Variants in CROCC observed in about 807,000 individuals in gnomAD.
CROCC encodes the protein ciliary rootlet coiled-coil, rootletin, also known as rootletin.
A neutral mutation model predicts 245.2 loss-of-function variants in CROCC; 180 were observed. The observed-to-expected ratio is 0.73, with a 90% CI of 0.65 to 0.83. The LOEUF is 0.83. CROCC is among the 40% of genes least tolerant of loss of function. The pLI is 0.00. For missense variants in CROCC, 2,688 were observed against 2,779.4 expected (o/e 0.97, Z 0.74); for synonymous variants, 1,205 against 1,241.6 (o/e 0.97, Z 0.62).
At chr1:16,938,862 G>C (rs776832553) in intron 11 of CROCC, 47 bp from the exon 12 acceptor site, 16 of 1,568,194 alleles carry the variant, frequency 1.0e-5, no homozygotes, top group East Asian at 2.3e-5. Context: ...CTAACCCCGC[G>C]GTTCCTAACT....
Position 16,955,503 on chromosome 1 carries a change from T to C in CROCC, c.3657T>C (p.Asn1219=). 8.2e-6 allele frequency: 13 copies of C among 1,576,614 alleles called. No individual in the cohort carries two copies. The highest frequency in any genetic ancestry group is 1.1e-5 in the Non-Finnish European group (13 of 1,165,334). Residue 1219 remains asparagine, a synonymous_variant, in exon 24 of 37, where the codon AAT becomes AAC. Transcript: ENST00000375541. ...AKEREALRRS[N]EELRSAVKKA... is the part of the protein sequence containing the mutation. The stretch of plus-strand genomic sequence containing the variant: ...AGCGCGAGGCCCTGCGGCGTTCCAA[T>C]GAGGAGCTTCGGTCTGCTGTGAAGA...
At chr1:16,963,171 G>A (rs1244337196) in intron 27 of CROCC, among the ~76,000 whole-genome samples, 6 of 143,854 alleles carry the variant, frequency 4.2e-5, no homozygotes, top group Non-Finnish European at 6.0e-5. Context: ...CAACAAGAGC[G>A]AAACTCCGTC....
At position 16,970,325 on chromosome 1, in the gene CROCC, C is replaced by T. The variant is rs1195328065; in HGVS notation, c.5524C>T (p.Leu1842=). 4 of 1,586,264 alleles carry T rather than the reference C, an allele frequency of 2.5e-6. No individual in the cohort carries two copies. Among genetic ancestry groups the T allele is most frequent in the Non-Finnish European group, 3.4e-6 (4 of 1,167,604 alleles). The part of the protein sequence containing the change: ...TVQKLQDERR[L]LQERLGSLQR... ...CCAGAAGCTGCAAGACGAGCGGCGG[C>T]TGCTGCAGGAGCGCCTGGGAAGCCT... Residue 1842 remains leucine, a synonymous_variant, in exon 34 of 37, where the codon CTG becomes TTG. Transcript: ENST00000375541.
intron 8 of CROCC, among the ~76,000 whole-genome samples, chr1:16,932,367 G>A (rs188932559): frequency 0.019 from 2,913 of 152,262 alleles, 33 homozygotes; most frequent in Non-Finnish European, 0.031. Context: ...TTGAACCTGG[G>A]AGGCAGAGGT....
chr1:16,964,710 G>A (rs1333694959), intron 27 of CROCC, among the ~76,000 whole-genome samples: 4 of 151,944 alleles, frequency 2.6e-5, no homozygotes, highest in African/African-American at 9.7e-5. Flanking sequence ...TTGAGACGGA[G>A]TCTCGCTGTG....
chr1:16,933,907 G>A (rs1259955266), intron 8 of CROCC, among the ~76,000 whole-genome samples: 1 of 152,282 alleles, frequency 6.6e-6, no homozygotes, highest in South Asian at 2.1e-4. Context: ...CAGGAAACTG[G>A]GCTAGTTGTC....
At chr1:16,919,592 G>T (rs1221976274), upstream of CROCC, among the ~76,000 whole-genome samples, 1 of 152,268 alleles carries the variant, frequency 6.6e-6, no homozygotes. Context: ...CTTAAAAGCC[G>T]AGCTCCTCGA....
chr1:16,939,195 T>C, intron 12 of CROCC, 53 bp downstream of exon 12: 1 of 903,252 alleles, frequency 1.1e-6, no homozygotes, highest in Non-Finnish European at 1.5e-6. Flanking sequence ...GGGGAGGGGC[T>C]CGCGCCCTCC....
chr1:16,968,558 G>C lies in CROCC; in HGVS notation c.5076+140G>C, dbSNP rs1420892331. On this transcript the variant is annotated intron_variant, in intron 31 of 36. Coordinates refer to ENST00000375541, the MANE Select transcript of CROCC (RefSeq NM_014675.5). ...TTTCACAGATGGACAAATGGAGGCT[G>C]AGAGGTGATGTCATTGTCTAAGATC... 10 of 912,414 alleles carry C rather than the reference G, an allele frequency of 1.1e-5. No individual in the cohort carries two copies. The Admixed American group carries it at 3.4e-4, about 31-fold the overall frequency. The allele number at this position is 912,414 out of a possible 1,614,324, so 56.5% of individuals were successfully genotyped here. A position where few individuals can be genotyped will look rare whatever the true frequency, so the allele number is the denominator to read the frequency against.
rs761337081 is a variant in CROCC at position 16,958,717 on chromosome 1, G to A, written c.3999G>A (p.Lys1333=). 18 of 1,562,114 alleles carry A rather than the reference G, an allele frequency of 1.2e-5. No individual in the cohort carries two copies. The South Asian group carries it at 2.1e-4, about 18-fold the overall frequency. ...TGGGCCTCCGGCAGAGGCTGCTGAAGGGCGAGGCCAGCCTGGAGGTGATGC... is the reference window on the plus strand; with the variant it reads ...TGGGCCTCCGGCAGAGGCTGCTGAAAGGCGAGGCCAGCCTGGAGGTGATGC... ...ETLGLRQRLL[K]GEASLEVMRQ... The change falls in exon 26 of 37, where the codon AAG becomes AAA. Residue 1333 remains lysine, a synonymous_variant. Coordinates refer to ENST00000375541, the MANE Select transcript of CROCC (RefSeq NM_014675.5).
chr1:16,938,837 GGCGTCTTTGCCCA>G, intron 11 of CROCC, 59 bp from the exon 12 acceptor site: 1 of 1,445,114 alleles, frequency 6.9e-7, no homozygotes, highest in Non-Finnish European at 9.6e-7. Flanking sequence ...GCCTCACCTG[GGCGTCTTTGCCCA>G]GCTAACCCCG....
intron 20 of CROCC, among the ~76,000 whole-genome samples, chr1:16,952,813 C>T (rs890743018): frequency 1.3e-5 from 2 of 152,320 alleles, no homozygotes; most frequent in East Asian, 3.9e-4. Context: ...CCACAGCTGT[C>T]GGAACATCCC....
chr1:16,920,298 T>C (rs2075377072), upstream of CROCC, among the ~76,000 whole-genome samples: 1 of 152,244 alleles, frequency 6.6e-6, no homozygotes, highest in Non-Finnish European at 1.5e-5. Context: ...AGGATGGTCT[T>C]AATCTCTTGA....
rs142186370 is a variant in CROCC at position 16,951,079 on chromosome 1, G to A, written c.2963G>A (p.Arg988Gln). Reference sequence around the variant, plus strand: ...GCCCAGGCCTCTCTGCGGGAGCAGCGGGCAGCTCACGAGGAGGACTTACAG... The same window carrying A: ...GCCCAGGCCTCTCTGCGGGAGCAGCAGGCAGCTCACGAGGAGGACTTACAG... Reference protein sequence around the residue: ...REAQASLREQRAAHEEDLQRL... With the variant: ...REAQASLREQQAAHEEDLQRL... Residue 988 changes from arginine to glutamine, a missense_variant, in exon 20 of 37, where the codon CGG becomes CAG. Arg to Gln is a conservative substitution (Grantham distance 43). Transcript: ENST00000375541. The A allele has an allele frequency of 1.1e-5, 17 of 1,596,864 alleles. No homozygotes were observed. The Middle Eastern group carries it at 8.1e-4, about 76-fold the overall frequency.
Position 16,924,465 on chromosome 1 carries a change from G to A in CROCC, c.337G>A (p.Ala113Thr), listed in dbSNP as rs2075485635. 1.7e-5 allele frequency: 27 copies of A among 1,612,432 alleles called. No homozygotes were observed. The highest frequency in any genetic ancestry group is 2.3e-5 in the Non-Finnish European group (27 of 1,178,996). The change falls in exon 3 of 37, where the codon GCG becomes ACG. Residue 113 changes from alanine to threonine, a missense_variant. By Grantham distance (58) the Ala-to-Thr change is moderately conservative. This residue lies in a region of CROCC where 972 missense variants were observed against 895.3 expected (regional missense o/e 1.09). Transcript: ENST00000375541. ...CGATGAGCTCGCCATTAAGTACAAT[G>A]CGGTCAGCGAGAGGGTGGGTGCCGC... ...ERDELAIKYN[A>T]VSERLEQALR...
At chr1:16,971,359 C>A (rs2100565599) in intron 35 of CROCC, 106 bp from the exon 36 acceptor site, 1 of 1,406,994 alleles carries the variant, frequency 7.1e-7, no homozygotes, top group Admixed American at 2.7e-5. Context: ...CTCCTGCCTT[C>A]CCCCTCTGCA....
chr1:16,955,382 A>G lies in CROCC; in HGVS notation c.3536A>G (p.Glu1179Gly). 6.2e-7 allele frequency: 1 copy of G among 1,606,096 alleles called. No individual in the cohort carries two copies. Among genetic ancestry groups the G allele is most frequent in the Non-Finnish European group, 8.5e-7 (1 of 1,179,404 alleles). The part of the protein sequence containing the change: ...ARDGLRRELL[E>G]AQRKLRESQE... ...GACGGGCTGCGGCGGGAGCTGCTGG[A>G]GGCCCAGCGCAAGCTGCGTGAGAGC... is the stretch of plus-strand genomic sequence containing the variant. Residue 1179 changes from glutamate to glycine, a missense_variant, in exon 24 of 37, where the codon GAG (glutamate) becomes GGG (glycine). By Grantham distance (98) the Glu-to-Gly change is moderately conservative (BLOSUM62 -2). This residue lies in a region of CROCC where 1,218 missense variants were observed against 1,286.3 expected (regional missense o/e 0.95). Transcript: ENST00000375541.
At chr1:16,962,555 A>AC (rs2076350926) in intron 27 of CROCC, among the ~76,000 whole-genome samples, 1 of 145,414 alleles carries the variant, frequency 6.9e-6, no homozygotes, top group African/African-American at 2.5e-5. Context: ...AAAAAAAAAA[A>AC]AAAAAACAGG....
rs763944719 is a variant in CROCC, at chr1:16,930,573, G to A, written c.828G>A (p.Ala276=). 1.9e-5 allele frequency: 30 copies of A among 1,611,372 alleles called. No individual in the cohort carries two copies. The highest frequency in any genetic ancestry group is 2.7e-5 in the African/African-American group (2 of 74,916). The change falls in exon 7 of 37, where the codon GCG becomes GCA. Residue 276 remains alanine (A), a synonymous_variant. Coordinates refer to ENST00000375541, the MANE Select transcript of CROCC (RefSeq NM_014675.5). ...RCRKELEHRE[A]AWRREEESFN... The stretch of plus-strand genomic sequence containing the variant: ...GCAAGGAGCTGGAGCACCGGGAGGC[G>A]GCGTGGAGGCGCGAGGAGGAGGTGG...
Sources: allele counts gnomAD v4.1 joint callset (sites outside exome capture counted in the v4.1 genomes callset), GRCh38; gene constraint gnomAD v4.1.1; regional missense constraint gnomAD v4.1.1; transcripts MANE v1.5; gene names NCBI Gene and HGNC (gene_info 2026-07-23, HGNC 2026-07-21).